The following DOCK8 variants were observed in gnomAD, a reference collection of about 807,000 sequenced individuals.
DOCK8 encodes dedicator of cytokinesis protein 8.
Under a neutral mutation model 245.6 loss-of-function variants are expected in DOCK8, and 141 were observed. The observed-to-expected ratio is 0.57, with a 90% confidence interval of 0.50 to 0.66. The LOEUF (loss-of-function observed/expected upper bound fraction) is 0.66. DOCK8 is among the 30% of genes least tolerant of loss of function. The pLI is 0.00. For synonymous variants in DOCK8, 1,168 were observed against 970.2 expected (o/e 1.20, Z -3.79); for missense variants, 2,965 against 2,603.4 (o/e 1.14, Z -3.02).
chr9:402,532 G>C (rs758111663), intron 26 of DOCK8, among the ~76,000 whole-genome samples: 1 of 152,196 alleles, frequency 6.6e-6, no homozygotes, highest in Non-Finnish European at 1.5e-5. Context: ...GAAGGTCACT[G>C]ACCCCCATTC....
intron 15 of DOCK8, 103 bp downstream of exon 15, chr9:368,238 C>T: frequency 1.0e-6 from 1 of 955,138 alleles, no homozygotes; most frequent in Non-Finnish European, 1.7e-6. Flanking sequence ...CCGTCTATTC[C>T]AGGCCAATAC....
upstream of DOCK8, chr9:214,357 A>T: frequency 2.9e-6 from 2 of 692,766 alleles, no homozygotes; most frequent in Non-Finnish European, 4.8e-6. Context: ...TCCTTGGATG[A>T]ATCCATTATA....
Position 439,395 on chromosome 9 carries a change from G to T in DOCK8, c.5223+7G>T. The T allele has an allele frequency of 6.2e-7, 1 of 1,612,496 alleles. No homozygotes were observed. ...CGCGGAGCTCTTCAGCACGGTCAGTGCCCAGAGGGCATCCCGGGGCCTGGC... is the reference window on the plus strand; with the variant it reads ...CGCGGAGCTCTTCAGCACGGTCAGTTCCCAGAGGGCATCCCGGGGCCTGGC... On this transcript the variant is annotated splice_region_variant and intron_variant, in intron 40 of 47. Coordinates refer to ENST00000432829, the MANE Select transcript of DOCK8 (RefSeq NM_203447.4).
At chr9:417,109 A>G (rs1421916656) in intron 29 of DOCK8, among the ~76,000 whole-genome samples, 1 of 152,198 alleles carries the variant, frequency 6.6e-6, no homozygotes, top group African/African-American at 2.4e-5. Context: ...AGCCTGGCCA[A>G]CATGGCGAAA....
At chr9:395,026 T>C (rs1564004463) in intron 24 of DOCK8, among the ~76,000 whole-genome samples, 1 of 152,220 alleles carries the variant, frequency 6.6e-6, no homozygotes. Context: ...GAATCAGGAT[T>C]GGCATTGCCC....
At chr9:303,423 G>C (rs1586647079) in intron 4 of DOCK8, among the ~76,000 whole-genome samples, 1 of 152,072 alleles carries the variant, frequency 6.6e-6, no homozygotes, top group Admixed American at 6.6e-5. Flanking sequence ...AAGAAAATTT[G>C]GTACATATAC....
In DOCK8 at chr9:259,942, T is replaced by C. The variant is rs138982512; in HGVS notation, c.54-11685T>C. On this transcript the variant is annotated intron_variant, in intron 1 of 47. Coordinates refer to ENST00000432829, the MANE Select transcript of DOCK8 (RefSeq NM_203447.4). ...CCACTGGTGCTCAGAGTGAGAGAGATTGGTTTAGTTGTTTAGCCAGGCTAT... is the reference window on the plus strand; with the variant it reads ...CCACTGGTGCTCAGAGTGAGAGAGACTGGTTTAGTTGTTTAGCCAGGCTAT... Among the ~76,000 whole-genome samples, 786 of 152,302 alleles carry C rather than the reference T, an allele frequency of 5.2e-3. 22 individuals are homozygous for C. Among genetic ancestry groups the C allele is most frequent in the Admixed American group, 0.048 (727 of 15,300 alleles).
intron 28 of DOCK8, 77 bp downstream of exon 28, chr9:407,146 C>G: frequency 6.3e-7 from 1 of 1,590,880 alleles, no homozygotes; most frequent in South Asian, 1.1e-5. Flanking sequence ...AGTCTAGCTT[C>G]TCACACTTGG....
At chr9:343,719 C>G (rs1004659941) in intron 14 of DOCK8, among the ~76,000 whole-genome samples, 1 of 152,190 alleles carries the variant, frequency 6.6e-6, no homozygotes. Context: ...AGTTTCGATT[C>G]TCTATTCCTT....
chr9:420,586 A>G lies in DOCK8; in HGVS notation c.4023+3A>G, dbSNP rs1468865197. ...GTGTGTTATGTTTTGAGTATAAGGTAAGTCTGGAGTGGCACAACTTTATAC... is the reference window on the plus strand; with the variant it reads ...GTGTGTTATGTTTTGAGTATAAGGTGAGTCTGGAGTGGCACAACTTTATAC... On this transcript the variant is annotated splice_donor_region_variant and intron_variant, in intron 31 of 47. Transcript: ENST00000432829. 1.2e-6 allele frequency: 2 copies of G among 1,614,144 alleles called. No homozygotes were observed. Among genetic ancestry groups the G allele is most frequent in the Middle Eastern group, 1.6e-4 (1 of 6,062 alleles).
chr9:401,028 T>C lies in DOCK8; in HGVS notation c.3234+1769T>C, dbSNP rs936289487. Among the ~76,000 whole-genome samples, 194 of 82,378 alleles carry C rather than the reference T, an allele frequency of 2.4e-3. 2 individuals carry two copies. Among genetic ancestry groups the C allele is most frequent in the Non-Finnish European group, 3.5e-3 (133 of 38,322 alleles). The allele number at this position is 82,378 out of a possible 152,430, so 54.0% of individuals were successfully genotyped here. A position where few individuals can be genotyped will look rare whatever the true frequency, so the allele number is the denominator to read the frequency against. Reference sequence around the variant, plus strand: ...ATTAGCTCCACCATGACCACCTCCTTCACCTCCACCATCACTTCTTCCACC... The same window carrying C: ...ATTAGCTCCACCATGACCACCTCCTCCACCTCCACCATCACTTCTTCCACC... On this transcript the variant is annotated intron_variant, in intron 26 of 47. Transcript: ENST00000432829.
Position 449,775 on chromosome 9 carries a change from C to T in DOCK8, c.5818-9C>T. 2.5e-6 allele frequency: 4 copies of T among 1,612,540 alleles called. No individual in the cohort carries two copies. The highest frequency in any genetic ancestry group is 3.4e-6 in the Non-Finnish European group (4 of 1,179,994). On this transcript the variant is annotated splice_polypyrimidine_tract_variant and intron_variant, in intron 44 of 47. Transcript: ENST00000432829. Reference sequence around the variant, plus strand: ...CAGTGACTTCCCTATGTTTACGTCTCATGTTCAGTTTGTTTTGACACCGAT... The same window carrying T: ...CAGTGACTTCCCTATGTTTACGTCTTATGTTCAGTTTGTTTTGACACCGAT...
intron 1 of DOCK8, among the ~76,000 whole-genome samples, chr9:242,732 A>G (rs1425560430): frequency 6.6e-6 from 1 of 151,818 alleles, no homozygotes; most frequent in East Asian, 1.9e-4. Flanking sequence ...TTTGCCAATC[A>G]TTGCCACCAA....
At chr9:234,384 C>A (rs866616693) in intron 1 of DOCK8, among the ~76,000 whole-genome samples, 2 of 152,098 alleles carry the variant, frequency 1.3e-5, no homozygotes, top group Admixed American at 1.3e-4. Flanking sequence ...CTTGGAATTG[C>A]TTTTCTCAAG....
intron 30 of DOCK8, among the ~76,000 whole-genome samples, chr9:419,644 C>T (rs2056192085): frequency 2.0e-5 from 3 of 152,220 alleles, no homozygotes. Context: ...ATTGCAATTT[C>T]ACCAGTACAT....
chr9:243,717 T>C (rs932635329), intron 1 of DOCK8, among the ~76,000 whole-genome samples: 7 of 152,090 alleles, frequency 4.6e-5, no homozygotes, highest in Non-Finnish European at 8.8e-5. Context: ...TGTTATTCCA[T>C]GTATCTCACT....
Position 418,182 on chromosome 9 carries a change from C to T in DOCK8, c.3815C>T (p.Thr1272Ile). The change falls in exon 30 of 48, where the codon ACA becomes ATA. Residue 1272 changes from threonine (T) to isoleucine (I), a missense_variant. By Grantham distance (89) the Thr-to-Ile change is moderately conservative (BLOSUM62 -1). Around this residue, in one of 3 missense-constraint regions of DOCK8, gnomAD observed 2,825 missense variants for 2,453.5 expected, o/e 1.15. Transcript: ENST00000432829. ...GCAGGGAATAATTTCAATTTGAAAA[C>T]AAGTGGAATAGTGCTGTCTTCCTTG... ...AIAGNNFNLK[T>I]SGIVLSSLPY... The T allele has an allele frequency of 5.0e-6, 8 of 1,614,216 alleles. No individual in the cohort carries two copies. Among genetic ancestry groups the T allele is most frequent in the African/African-American group, 1.3e-5 (1 of 75,062 alleles).
chr9:382,656 G>A lies in DOCK8; in HGVS notation c.2749G>A (p.Glu917Lys), dbSNP rs200899164. 3.9e-4 allele frequency: 623 copies of A among 1,614,074 alleles called. No homozygotes were observed. Among genetic ancestry groups the A allele is most frequent in the Non-Finnish European group, 4.9e-4 (581 of 1,180,040 alleles). The change falls in exon 22 of 48, where the codon GAG becomes AAG. Residue 917 changes from glutamate to lysine, a missense_variant. Physicochemically the swap from Glu to Lys is moderately conservative, Grantham distance 56 (BLOSUM62 1). Transcript: ENST00000432829. ...CGCGGGGACACACTCCGCAGCAGAC[G>A]AGGAAGTGAAGAACATCATGTCTTC... The part of the protein sequence containing the change: ...DLAGTHSAAD[E>K]EVKNIMSSKI...
At chr9:450,513 G>C (rs2057393472) in intron 45 of DOCK8, among the ~76,000 whole-genome samples, 1 of 152,136 alleles carries the variant, frequency 6.6e-6, no homozygotes, top group Admixed American at 6.5e-5. Flanking sequence ...CTCAGATGAA[G>C]GGAGGTACCA....
Sources: allele counts gnomAD v4.1 joint callset (sites outside exome capture counted in the v4.1 genomes callset), GRCh38; gene constraint gnomAD v4.1.1; regional missense constraint gnomAD v4.1.1; transcripts MANE v1.5; gene names NCBI Gene and HGNC (gene_info 2026-07-23, HGNC 2026-07-21).